The following MTHFD1L variants were observed in gnomAD, a reference collection of about 807,000 sequenced individuals.
MTHFD1L encodes the protein monofunctional C1-tetrahydrofolate synthase, mitochondrial.
MTHFD1L carries 81 observed loss-of-function variants against 119.5 expected under a neutral mutation model. The observed-to-expected ratio is 0.68, with a 90% CI of 0.57 to 0.82. MTHFD1L has a LOEUF of 0.82. Among genes scored for constraint, MTHFD1L ranks in the 40% least tolerant of loss-of-function variants. The pLI, the probability that MTHFD1L is intolerant of heterozygous loss-of-function variation, is 0.00. For missense variants in MTHFD1L, 1,125 were observed against 1,253.4 expected (o/e 0.90, Z 1.55); for synonymous variants, 430 against 475.2 (o/e 0.90, Z 1.24).
At position 150,969,247 on chromosome 6, in the gene MTHFD1L, A is replaced by G. The variant is rs796609290; in HGVS notation, c.2014-2700A>G. On this transcript the variant is annotated intron_variant, in intron 19 of 27. Coordinates refer to ENST00000367321, the MANE Select transcript of MTHFD1L (RefSeq NM_015440.5). The stretch of plus-strand genomic sequence containing the variant: ...TCCGTCTGCCTCTGCCTCTCAAAGT[A>G]CTGGGATTATAGGTGTGAGCCACCG... 4.6e-5 allele frequency among the ~76,000 whole-genome samples: 7 copies of G among 152,262 alleles called. 1 individual carries two copies. Among genetic ancestry groups the G allele is most frequent in the African/African-American group, 1.7e-4 (7 of 41,562 alleles).
chr6:151,009,231 T>C (rs1781870150), intron 20 of MTHFD1L, among the ~76,000 whole-genome samples: 1 of 151,958 alleles, frequency 6.6e-6, no homozygotes, highest in Admixed American at 6.5e-5. Flanking sequence ...AATCCCCATC[T>C]GTATGAAGAA....
intron 11 of MTHFD1L, among the ~76,000 whole-genome samples, chr6:150,927,735 G>C (rs1412761284): frequency 6.6e-6 from 1 of 152,010 alleles, no homozygotes. Context: ...GGGATTACAG[G>C]TGTGAGCCAC....
intron 11 of MTHFD1L, among the ~76,000 whole-genome samples, chr6:150,932,496 G>C (rs1791228918): frequency 6.6e-6 from 1 of 152,154 alleles, no homozygotes; most frequent in African/African-American, 2.4e-5. Flanking sequence ...AGAGGGCTGG[G>C]CGTGGTGGCT....
intron 14 of MTHFD1L, among the ~76,000 whole-genome samples, chr6:150,945,222 G>A (rs576836490): frequency 2.6e-5 from 4 of 152,344 alleles, no homozygotes; most frequent in East Asian, 1.9e-4. Context: ...TAGTTGTAGC[G>A]ATATAGATCA....
chr6:150,996,609 A>C (rs1323917428), intron 20 of MTHFD1L, among the ~76,000 whole-genome samples: 2 of 151,998 alleles, frequency 1.3e-5, no homozygotes, highest in African/African-American at 4.8e-5. Flanking sequence ...ACTCTTCTCA[A>C]ACTCTGCAGC....
chr6:151,081,498 C>CAAAAAAAAAAAAAAAAAA (rs56795003), intron 26 of MTHFD1L, among the ~76,000 whole-genome samples: 2 of 98,194 alleles, frequency 2.0e-5, no homozygotes. Flanking sequence ...ACTAAAAATG[C>CAAAAAAAAAAAAAAAAAA]AAAAAAAAAA....
chr6:150,917,076 A>G (rs940206226), intron 8 of MTHFD1L, among the ~76,000 whole-genome samples: 22 of 151,716 alleles, frequency 1.5e-4, no homozygotes, highest in African/African-American at 5.3e-4. Context: ...TATAACTTCT[A>G]TGATAGAGAA....
At chr6:150,931,849 G>A (rs6922269) in intron 11 of MTHFD1L, among the ~76,000 whole-genome samples, 52,491 of 152,038 alleles carry the variant, frequency 0.35, 10,616 homozygotes, top group African/African-American at 0.56. Context: ...CTGCCAATAA[G>A]TAATACTCAT....
rs576066092 is a variant in MTHFD1L at position 151,067,039 on chromosome 6, G to T, written c.2848-25428G>T. The stretch of plus-strand genomic sequence containing the variant: ...GACAGAGTCTTGCTCTGTAGCCCAG[G>T]CTGGAGTGCAGTGTTGCAATCATGG... On this transcript the variant is annotated intron_variant, in intron 26 of 27. Coordinates refer to ENST00000367321, the MANE Select transcript of MTHFD1L (RefSeq NM_015440.5). 3.2e-4 allele frequency among the ~76,000 whole-genome samples: 47 copies of T among 149,164 alleles called. 1 individual carries two copies. Among genetic ancestry groups the T allele is most frequent in the Middle Eastern group, 3.4e-3 (1 of 292 alleles).
At chr6:150,916,947 G>A (rs1788078780) in intron 8 of MTHFD1L, among the ~76,000 whole-genome samples, 1 of 150,590 alleles carries the variant, frequency 6.6e-6, no homozygotes. Context: ...TTTTAGTAGA[G>A]ATGGGGTTTC....
rs373281795 is a variant in MTHFD1L at position 150,945,467 on chromosome 6, G to A, written c.1549G>A (p.Ala517Thr). The A allele has an allele frequency of 2.5e-6, 4 of 1,612,136 alleles. No individual in the cohort carries two copies. Among genetic ancestry groups the A allele is most frequent in the Non-Finnish European group, 3.4e-6 (4 of 1,179,474 alleles). Reference sequence around the variant, plus strand: ...TCTCATTTTTGTTTTGTGTTTTTAGGCTCTGTATAATCGGCTGGTTCCTTT... The same window carrying A: ...TCTCATTTTTGTTTTGTGTTTTTAGACTCTGTATAATCGGCTGGTTCCTTT... ...ILHENTQTDK[A>T]LYNRLVPLVN... Residue 517 changes from alanine to threonine, a missense_variant and splice_region_variant, in exon 15 of 28, where the codon GCT becomes ACT. Physicochemically the swap from Ala to Thr is moderately conservative, Grantham distance 58. This residue lies in a region of MTHFD1L where 1,058 missense variants were observed against 1,151.2 expected (regional missense o/e 0.92). Coordinates refer to ENST00000367321, the MANE Select transcript of MTHFD1L (RefSeq NM_015440.5).
chr6:151,046,854 T>G lies in MTHFD1L; in HGVS notation c.2847+9737T>G, dbSNP rs534867564. ...CACCCTCAGAGTCAGTTTGAGGGTATAGTGGGAAGCCTGAATAAAAAGAGA... is the reference window on the plus strand; with the variant it reads ...CACCCTCAGAGTCAGTTTGAGGGTAGAGTGGGAAGCCTGAATAAAAAGAGA... On this transcript the variant is annotated intron_variant, in intron 26 of 27. Coordinates refer to ENST00000367321, the MANE Select transcript of MTHFD1L (RefSeq NM_015440.5). Among the ~76,000 whole-genome samples the G allele has an allele frequency of 3.9e-5, 6 of 152,236 alleles. No individual in the cohort carries two copies. The South Asian group carries it at 8.3e-4, about 21-fold the overall frequency.
intron 26 of MTHFD1L, among the ~76,000 whole-genome samples, chr6:151,091,002 CG>C: frequency 8.3e-6 from 1 of 119,938 alleles, no homozygotes. Context: ...TCGTTCCATG[CG>C]ACTGGGTGCA....
At chr6:150,902,746 T>C (rs1158882848) in intron 7 of MTHFD1L, among the ~76,000 whole-genome samples, 1 of 152,126 alleles carries the variant, frequency 6.6e-6, no homozygotes, top group Non-Finnish European at 1.5e-5. Flanking sequence ...TTTCCAAGAT[T>C]TATAGGTAAT....
rs200840782 is a variant in MTHFD1L at position 150,926,235 on chromosome 6, G to A, written c.1196G>A (p.Arg399His). 89 of 1,614,052 alleles carry A rather than the reference G, an allele frequency of 5.5e-5. No individual in the cohort carries two copies. In the East Asian group the frequency reaches 1.4e-3, roughly 25 times the overall value. ...EIYGKSKAKV[R>H]LSVLERLKDQ... is the part of the protein sequence containing the mutation. ...TATGGCAAAAGCAAAGCCAAAGTAC[G>A]TTTGTCCGTGCTAGAAAGGTTAAAG... Residue 399 changes from arginine to histidine, a missense_variant, in exon 11 of 28, where the codon CGT becomes CAT. Arg to His is a conservative substitution (Grantham distance 29, BLOSUM62 0). Coordinates refer to ENST00000367321, the MANE Select transcript of MTHFD1L (RefSeq NM_015440.5). This position sits in a 1 kb window ranked among gnomAD's most constrained non-coding sequence, Gnocchi z 4.3.
At chr6:150,881,469 A>T (rs1411690135) in intron 4 of MTHFD1L, among the ~76,000 whole-genome samples, 1 of 152,148 alleles carries the variant, frequency 6.6e-6, no homozygotes, top group African/African-American at 2.4e-5. Context: ...TATATTGAAA[A>T]AGAGTAGGTA....
rs1396974162 is a variant in MTHFD1L, at chr6:151,010,495, ACT to A, written c.2265+540_2265+541del. ...CTGTTTATTATGATTTCTCCTCACA[ACT>A]CTGTTATAATACTGGATTGTTTCTA... On this transcript the variant is annotated intron_variant, in intron 21 of 27. Coordinates refer to ENST00000367321, the MANE Select transcript of MTHFD1L (RefSeq NM_015440.5). Among the ~76,000 whole-genome samples, 7 of 152,112 alleles carry A rather than the reference ACT, an allele frequency of 4.6e-5. 1 individual carries two copies. In the South Asian group the frequency reaches 1.2e-3, roughly 27 times the overall value.
intron 19 of MTHFD1L, among the ~76,000 whole-genome samples, chr6:150,969,693 TA>T (rs1189097584): frequency 1.3e-5 from 2 of 152,182 alleles, no homozygotes; most frequent in Non-Finnish European, 2.9e-5. Context: ...ACAGTAACTA[TA>T]ATACATCCCT....
chr6:151,009,079 G>A (rs1781829831), intron 20 of MTHFD1L, among the ~76,000 whole-genome samples: 2 of 144,850 alleles, frequency 1.4e-5, no homozygotes, highest in Non-Finnish European at 3.0e-5. Context: ...CTGAGATTGT[G>A]CCATTGCACT....
Sources: allele counts gnomAD v4.1 joint callset (sites outside exome capture counted in the v4.1 genomes callset), GRCh38; gene constraint gnomAD v4.1.1; regional missense constraint gnomAD v4.1.1; non-coding constraint Gnocchi (gnomAD v3.1); transcripts MANE v1.5; gene names NCBI Gene and HGNC (gene_info 2026-07-23, HGNC 2026-07-21).